Variants in FSTL5 observed in about 807,000 individuals in gnomAD.
The protein encoded by FSTL5 is follistatin-related protein 5.
Under a neutral mutation model 89.1 loss-of-function variants are expected in FSTL5, and 62 were observed. That is an observed-to-expected ratio of 0.70 (90% CI 0.57 to 0.86). FSTL5 has a LOEUF of 0.86. Ranked by LOEUF, FSTL5 falls within the 40% of genes least tolerant of loss-of-function variation. FSTL5 has a pLI of 0.00. For missense variants in FSTL5, 1,057 were observed against 1,001.6 expected, an observed-to-expected ratio of 1.06 and a Z score of -0.75; for synonymous variants, 383 against 346.2, an observed-to-expected ratio of 1.11 and a Z score of -1.18.
intron 10 of FSTL5, among the ~76,000 whole-genome samples, chr4:161,513,181 A>C (rs1730703852): frequency 6.6e-6 from 1 of 151,964 alleles, no homozygotes; most frequent in Non-Finnish European, 1.5e-5. Flanking sequence ...ATATCAAAAA[A>C]AGAAAATTAA....
chr4:161,673,252 G>C (rs1294914659), intron 6 of FSTL5, among the ~76,000 whole-genome samples: 1 of 152,000 alleles, frequency 6.6e-6, no homozygotes, highest in East Asian at 1.9e-4. Context: ...TGATTATTTA[G>C]AAGAGGAGTT....
chr4:161,515,375 T>G (rs566233275), intron 10 of FSTL5, among the ~76,000 whole-genome samples: 1 of 152,040 alleles, frequency 6.6e-6, no homozygotes, highest in African/African-American at 2.4e-5. Context: ...TTTTTGTTGT[T>G]GTTGTATTTT....
intron 10 of FSTL5, among the ~76,000 whole-genome samples, chr4:161,515,877 T>C (rs945475609): frequency 6.6e-6 from 1 of 151,400 alleles, no homozygotes; most frequent in Admixed American, 6.6e-5. Context: ...TTTCCAGTAG[T>C]ATATGTTCCT....
intron 15 of FSTL5, among the ~76,000 whole-genome samples, chr4:161,447,538 T>A (rs1416253457): frequency 2.0e-5 from 3 of 152,110 alleles, no homozygotes; most frequent in African/African-American, 7.2e-5. Flanking sequence ...GACAGGGTTC[T>A]CTAACTCAAG....
chr4:161,404,847 C>A (rs1332899097), intron 15 of FSTL5, among the ~76,000 whole-genome samples: 1 of 151,190 alleles, frequency 6.6e-6, no homozygotes, highest in Non-Finnish European at 1.5e-5. Flanking sequence ...AAAGTCGGAC[C>A]ACACCCAGAA....
At chr4:162,025,709 C>T (rs1385731880) in intron 3 of FSTL5, among the ~76,000 whole-genome samples, 1 of 151,758 alleles carries the variant, frequency 6.6e-6, no homozygotes, top group African/African-American at 2.4e-5. Context: ...TGAGTTGCAA[C>T]TGTGAAATAT....
chr4:161,862,438 A>G (rs2126891449), intron 4 of FSTL5, among the ~76,000 whole-genome samples: 1 of 152,272 alleles, frequency 6.6e-6, no homozygotes, highest in Non-Finnish European at 1.5e-5. Context: ...AGAAGTCACT[A>G]TAAGAGAGAA....
intron 3 of FSTL5, among the ~76,000 whole-genome samples, chr4:162,014,371 T>G (rs560995088): frequency 6.6e-6 from 1 of 152,336 alleles, no homozygotes; most frequent in Admixed American, 6.5e-5. Flanking sequence ...GGTTTAAAAT[T>G]TATTATTGTC....
At chr4:161,979,720 A>G (rs902411620) in intron 3 of FSTL5, among the ~76,000 whole-genome samples, 3 of 152,126 alleles carry the variant, frequency 2.0e-5, no homozygotes, top group African/African-American at 7.2e-5. Flanking sequence ...CTTTTCTCTC[A>G]GTATTTATTT....
At chr4:162,010,297 A>G (rs563058838) in intron 3 of FSTL5, among the ~76,000 whole-genome samples, 1 of 152,294 alleles carries the variant, frequency 6.6e-6, no homozygotes, top group Non-Finnish European at 1.5e-5. Flanking sequence ...AGAAAATAAA[A>G]ATAAAAAGCA....
At chr4:161,837,735 A>G (rs1207864800) in intron 4 of FSTL5, among the ~76,000 whole-genome samples, 2 of 152,166 alleles carry the variant, frequency 1.3e-5, no homozygotes, top group Non-Finnish European at 2.9e-5. Flanking sequence ...AAAATGCTTT[A>G]TAAAGGTTAG....
chr4:162,148,658 A>T (rs1210294981), intron 1 of FSTL5, among the ~76,000 whole-genome samples: 1 of 152,182 alleles, frequency 6.6e-6, no homozygotes, highest in East Asian at 1.9e-4. Context: ...TTTGTAGTTC[A>T]TACCCTCAAA....
At chr4:161,402,177 A>T (rs6856618) in intron 15 of FSTL5, among the ~76,000 whole-genome samples, 7,200 of 152,226 alleles carry the variant, frequency 0.047, 433 homozygotes, top group East Asian at 0.19. Flanking sequence ...TGAAACACAA[A>T]CGCACACACT....
intron 5 of FSTL5, among the ~76,000 whole-genome samples, chr4:161,770,510 A>AT: frequency 6.6e-6 from 1 of 151,930 alleles, no homozygotes; most frequent in Non-Finnish European, 1.5e-5. Flanking sequence ...AAATTAATAA[A>AT]TAAAAAGCGA....
intron 4 of FSTL5, among the ~76,000 whole-genome samples, chr4:161,801,822 T>C (rs1579102844): frequency 2.0e-5 from 3 of 151,784 alleles, no homozygotes; most frequent in Admixed American, 6.6e-5. Context: ...GATTGAAATG[T>C]GTGAAAGACA....
chr4:162,043,553 T>A (rs1007757621), intron 2 of FSTL5, among the ~76,000 whole-genome samples: 1 of 152,104 alleles, frequency 6.6e-6, no homozygotes, highest in Admixed American at 6.6e-5. Context: ...TTGTTGAAGG[T>A]TAGGGTGGAT....
intron 4 of FSTL5, among the ~76,000 whole-genome samples, chr4:161,855,274 T>C (rs1448561787): frequency 6.6e-6 from 1 of 152,078 alleles, no homozygotes; most frequent in East Asian, 1.9e-4. Context: ...TGGAGAGCTT[T>C]CTATCTGGTA....
intron 3 of FSTL5, among the ~76,000 whole-genome samples, chr4:161,976,373 T>C (rs993725570): frequency 1.5e-4 from 23 of 152,178 alleles, no homozygotes; most frequent in Non-Finnish European, 2.6e-4. Flanking sequence ...AAAATTAAGA[T>C]ATATTTTCTC....
At chr4:162,041,473 C>G (rs917665908) in intron 2 of FSTL5, among the ~76,000 whole-genome samples, 3 of 151,614 alleles carry the variant, frequency 2.0e-5, no homozygotes, top group Non-Finnish European at 2.9e-5. Context: ...TTATTAGTAG[C>G]CTAATGAATA....
Sources: gnomAD v4.1 joint callset for allele counts (sites outside exome capture counted in the v4.1 genomes callset) on GRCh38, gnomAD v4.1.1 for gene constraint, MANE v1.5 for transcripts, NCBI Gene and HGNC (gene_info 2026-07-23, HGNC 2026-07-21) for gene names.